GNAI1: variants seen among roughly 807,000 people sequenced by gnomAD.
GNAI1 encodes the protein guanine nucleotide-binding protein G(i) subunit alpha-1.
In GNAI1, 11 loss-of-function variants were observed where a neutral mutation model predicts 38.9. The ratio of observed to expected loss-of-function variants is 0.28; its 90% CI spans 0.18 to 0.47. The LOEUF (loss-of-function observed/expected upper bound fraction) is 0.47. Ranked by LOEUF, GNAI1 falls within the 20% of genes least tolerant of loss-of-function variation. The probability of loss-of-function intolerance (pLI) is 0.99; values close to 1 mark genes in which losing one functional copy is unlikely to be tolerated. For missense variants in GNAI1, 317 were observed against 436.9 expected (o/e 0.73, Z 2.45); for synonymous variants, 166 against 145.1 (o/e 1.14, Z -1.04).
intron 1 of GNAI1, among the ~76,000 whole-genome samples, chr7:80,155,730 G>GAA (rs530418407): frequency 1.4e-5 from 2 of 144,970 alleles, no homozygotes; most frequent in Non-Finnish European, 3.0e-5. Flanking sequence ...AGATGTTTAA[G>GAA]AAAAAAAAAA....
intron 3 of GNAI1, among the ~76,000 whole-genome samples, chr7:80,190,903 A>G (rs191160967): frequency 1.6e-4 from 24 of 151,826 alleles, no homozygotes; most frequent in African/African-American, 4.1e-4. Flanking sequence ...TTTTTTAAAC[A>G]TAACTTGGGC....
chr7:80,192,045 A>G (rs570744597), intron 3 of GNAI1, among the ~76,000 whole-genome samples: 40 of 152,242 alleles, frequency 2.6e-4, no homozygotes, highest in South Asian at 8.3e-4. Flanking sequence ...CTGTTCAATT[A>G]CTTACCTTTT....
intron 1 of GNAI1, among the ~76,000 whole-genome samples, chr7:80,139,982 T>C (rs1217452301): frequency 3.3e-5 from 5 of 151,502 alleles, no homozygotes; most frequent in Middle Eastern, 3.4e-3. Flanking sequence ...CAATTTCTTT[T>C]TTTTTTTTTT....
At chr7:80,175,479 T>C (rs559157822) in intron 1 of GNAI1, among the ~76,000 whole-genome samples, 2 of 151,838 alleles carry the variant, frequency 1.3e-5, no homozygotes, top group African/African-American at 4.8e-5. Context: ...AAGTACAAGA[T>C]AGACCGATGG....
chr7:80,186,056 G>A (rs1398396723), intron 1 of GNAI1, among the ~76,000 whole-genome samples: 7 of 115,638 alleles, frequency 6.1e-5, no homozygotes, highest in Non-Finnish European at 8.4e-5. Context: ...TTTTTGAGAC[G>A]GAGTCTCACT....
At chr7:80,181,125 T>G (rs1482379167) in intron 1 of GNAI1, among the ~76,000 whole-genome samples, 1 of 152,112 alleles carries the variant, frequency 6.6e-6, no homozygotes, top group Non-Finnish European at 1.5e-5. Context: ...ATATTACATG[T>G]ATATATCTTA....
chr7:80,173,075 A>T (rs559001711), intron 1 of GNAI1, among the ~76,000 whole-genome samples: 6 of 152,228 alleles, frequency 3.9e-5, no homozygotes, highest in South Asian at 4.1e-4. Flanking sequence ...GAGGATGTGA[A>T]TGGAACTGAT....
At chr7:80,195,430 C>T (rs1788551662) in intron 3 of GNAI1, among the ~76,000 whole-genome samples, 1 of 151,742 alleles carries the variant, frequency 6.6e-6, no homozygotes, top group African/African-American at 2.4e-5. Flanking sequence ...GATTATATTT[C>T]TGCTTTTAGA....
At position 80,185,524 on chromosome 7, in the gene GNAI1, G is replaced by A. The variant is rs1242883827; in HGVS notation, c.119-3427G>A. 3.9e-5 allele frequency among the ~76,000 whole-genome samples: 6 copies of A among 152,158 alleles called. No individual in the cohort carries two copies. In the East Asian group the frequency reaches 5.8e-4, roughly 15 times the overall value. On this transcript the variant is annotated intron_variant, in intron 1 of 7. Transcript: ENST00000649796. ...TGGCTTTACCCTGCATTCGTTGACC[G>A]TTCAATCTGTACACTTCAACCCACT...
chr7:80,157,840 G>A (rs779333581), intron 1 of GNAI1, among the ~76,000 whole-genome samples: 4 of 152,032 alleles, frequency 2.6e-5, no homozygotes, highest in Admixed American at 6.6e-5. Flanking sequence ...CCAGGTAGCT[G>A]GGATTACAGA....
At chr7:80,199,132 GC>G in intron 3 of GNAI1, 92 bp from the exon 4 acceptor site, 1 of 876,136 alleles carries the variant, frequency 1.1e-6, no homozygotes, top group South Asian at 2.2e-5. Context: ...GTTCGCTATT[GC>G]CTTTTTTTTT....
chr7:80,210,729 C>CTTTTTTTTTTTTTTTTTTTTT (rs11347260), intron 5 of GNAI1, among the ~76,000 whole-genome samples: 1 of 129,432 alleles, frequency 7.7e-6, no homozygotes, highest in Non-Finnish European at 1.7e-5. Context: ...TTTGTTTTTG[C>CTTTTTTTTTTTTTTTTTTTTT]TTTTTTTTTT....
At chr7:80,147,156 T>C (rs748084978) in intron 1 of GNAI1, among the ~76,000 whole-genome samples, 3 of 152,160 alleles carry the variant, frequency 2.0e-5, no homozygotes, top group Non-Finnish European at 2.9e-5. Context: ...ATAATGTTTT[T>C]CTGACTGTTT....
chr7:80,212,724 G>A lies in GNAI1; in HGVS notation c.729G>A (p.Met243Ile). 1 of 1,529,232 alleles carries A rather than the reference G, an allele frequency of 6.5e-7. No individual in the cohort carries two copies. Among genetic ancestry groups the A allele is most frequent in the Non-Finnish European group, 8.7e-7 (1 of 1,146,000 alleles). The allele number at this position is 1,529,232 out of a possible 1,614,324, so 94.7% of individuals were successfully genotyped here. The stretch of plus-strand genomic sequence containing the variant: ...ATTTTTTTCTATTACAGAACCGAAT[G>A]CATGAAAGCATGAAATTGTTTGACA... ...VLAEDEEMNR[M>I]HESMKLFDSI... Residue 243 changes from methionine to isoleucine, a missense_variant, in exon 7 of 8, where the codon ATG becomes ATA. Around this residue, in one of 5 missense-constraint regions of GNAI1, gnomAD observed 158 missense variants for 234.7 expected, o/e 0.67. Transcript: ENST00000649796.
At chr7:80,138,974 G>T (rs984654512) in intron 1 of GNAI1, among the ~76,000 whole-genome samples, 3 of 152,108 alleles carry the variant, frequency 2.0e-5, no homozygotes, top group Admixed American at 2.0e-4. Context: ...CTTGCCCTGT[G>T]ACTTCCCCTA....
At chr7:80,199,447 C>T in intron 4 of GNAI1, 65 bp downstream of exon 4, 2 of 1,226,974 alleles carry the variant, frequency 1.6e-6, no homozygotes, top group Non-Finnish European at 2.3e-6. Flanking sequence ...AATATACTTC[C>T]AAGTCAATTT....
intron 1 of GNAI1, chr7:80,135,999 A>G: frequency 4.1e-6 from 4 of 985,396 alleles, no homozygotes; most frequent in Non-Finnish European, 4.8e-6. Flanking sequence ...CTGCTGTGAA[A>G]GAGCGAGAGG....
chr7:80,197,091 C>G (rs1013860907), intron 3 of GNAI1, among the ~76,000 whole-genome samples: 8 of 151,438 alleles, frequency 5.3e-5, no homozygotes, highest in African/African-American at 9.7e-5. Flanking sequence ...CTTTCCTCTC[C>G]CTCCTCTCCT....
intron 3 of GNAI1, among the ~76,000 whole-genome samples, chr7:80,192,761 T>C (rs534842910): frequency 6.6e-6 from 1 of 152,292 alleles, no homozygotes; most frequent in Admixed American, 6.5e-5. Flanking sequence ...AGGAGCATGA[T>C]CTCAGCTCAC....
Sources: allele counts gnomAD v4.1 joint callset (sites outside exome capture counted in the v4.1 genomes callset), GRCh38; gene constraint gnomAD v4.1.1; regional missense constraint gnomAD v4.1.1; transcripts MANE v1.5; gene names NCBI Gene and HGNC (gene_info 2026-07-23, HGNC 2026-07-21).